Variants in SP140 observed in about 807,000 individuals in gnomAD.
SP140 encodes nuclear body protein SP140.
Under a neutral mutation model 125.0 loss-of-function variants are expected in SP140, and 81 were observed. The observed-to-expected ratio is 0.65, with a 90% CI of 0.54 to 0.78. The LOEUF (loss-of-function observed/expected upper bound fraction) is 0.78, where lower values mean the gene tolerates loss of function less well. SP140 is among the 30% of genes least tolerant of loss of function. SP140 has a pLI of 0.00. For synonymous variants in SP140, 312 were observed against 354.0 expected (o/e 0.88, Z 1.33); for missense variants, 858 against 1,037.0 (o/e 0.83, Z 2.37).
At chr2:230,212,898 CA>C (rs755463470) in intron 1 of SP140, 1 of 1,613,936 alleles carries the variant, frequency 6.2e-7, no homozygotes, top group East Asian at 2.2e-5. Flanking sequence ...ACAGGGTGAA[CA>C]GCTTGGTTGA....
In SP140 at chr2:230,212,139, G is replaced by A. The variant is rs369050000; in HGVS notation, c.-322-1515G>A. Among the ~76,000 whole-genome samples the A allele has an allele frequency of 3.1e-3, 473 of 152,314 alleles. 2 individuals carry two copies. The highest frequency in any genetic ancestry group is 0.011 in the African/African-American group (452 of 41,562). On this transcript the variant is annotated intron_variant, in intron 1 of 4. Transcript: ENST00000456542. ...TAAGGGTCACTAGTGTGAGTGTTAC[G>A]CAGGTTACTTGTCAATTCAGAATGG...
intron 22 of SP140, among the ~76,000 whole-genome samples, chr2:230,307,955 GTATATATATATATATATATATA>G (rs60233854): frequency 6.2e-5 from 3 of 48,408 alleles, no homozygotes; most frequent in Admixed American, 2.3e-4. Context: ...GGACATGCAT[GTATATATATATATATATATATA>G]TATATATATA....
At chr2:230,244,644 C>A (rs1162902391) in intron 5 of SP140, among the ~76,000 whole-genome samples, 1 of 151,898 alleles carries the variant, frequency 6.6e-6, no homozygotes, top group Non-Finnish European at 1.5e-5. Flanking sequence ...AGAAGAGAAC[C>A]AGAAAGAAAA....
At chr2:230,239,913 C>T (rs1344685485) in intron 3 of SP140, among the ~76,000 whole-genome samples, 1 of 152,124 alleles carries the variant, frequency 6.6e-6, no homozygotes, top group Non-Finnish European at 1.5e-5. Flanking sequence ...TTCTACTGCC[C>T]ACATCTCAGG....
the SP140 span, among the ~76,000 whole-genome samples, chr2:230,194,263 C>G: frequency 6.6e-6 from 1 of 152,008 alleles, no homozygotes; most frequent in East Asian, 1.9e-4. Flanking sequence ...TCCCCACTGA[C>G]CGGCATATCT....
chr2:230,252,252 G>C (rs1300601881), intron 10 of SP140, among the ~76,000 whole-genome samples: 2 of 152,032 alleles, frequency 1.3e-5, no homozygotes, highest in Admixed American at 1.3e-4. Context: ...AGGAGAAAGA[G>C]ACAGATATTC....
intron 15 of SP140, among the ~76,000 whole-genome samples, chr2:230,283,759 T>A (rs1390203499): frequency 6.6e-6 from 1 of 152,182 alleles, no homozygotes; most frequent in Non-Finnish European, 1.5e-5. Context: ...AGATGGCCAG[T>A]TTGAGGACAC....
At chr2:230,200,300 T>C (rs2043073139), upstream of SP140, among the ~76,000 whole-genome samples, 1 of 152,200 alleles carries the variant, frequency 6.6e-6, no homozygotes, top group South Asian at 2.1e-4. Flanking sequence ...GATAGTGTTA[T>C]CAACTTACTC....
chr2:230,239,486 C>CA (rs999936279), intron 3 of SP140, among the ~76,000 whole-genome samples: 1 of 152,140 alleles, frequency 6.6e-6, no homozygotes, highest in Non-Finnish European at 1.5e-5. Flanking sequence ...TTCACTCTGT[C>CA]ACCCAGGCTG....
At chr2:230,197,260 T>C in the SP140 span, among the ~76,000 whole-genome samples, 67 of 150,110 alleles carry the variant, frequency 4.5e-4, no homozygotes, top group East Asian at 7.8e-3. Flanking sequence ...TGGTATCTCA[T>C]TGTGGTTTTG....
chr2:230,243,925 A>T, intron 5 of SP140, 114 bp downstream of exon 5: 1 of 706,730 alleles, frequency 1.4e-6, no homozygotes, highest in Non-Finnish European at 2.5e-6. Flanking sequence ...CAAAAGATCC[A>T]TTTTGTCCTT....
At chr2:230,213,967 C>T (rs556520072) in exon 3 of SP140, 2 of 152,354 alleles carry the variant, frequency 1.3e-5, no homozygotes, top group African/African-American at 4.8e-5. Context: ...AGGGGGAAGC[C>T]TTTTGATGGT....
chr2:230,196,287 TAAG>T, the SP140 span, among the ~76,000 whole-genome samples: 4 of 152,140 alleles, frequency 2.6e-5, no homozygotes, highest in South Asian at 8.3e-4. Context: ...CATATAAAAA[TAAG>T]AAATAAACTG....
upstream of SP140, among the ~76,000 whole-genome samples, chr2:230,221,524 G>C (rs954983871): frequency 6.6e-6 from 1 of 152,138 alleles, no homozygotes; most frequent in South Asian, 2.1e-4. Context: ...CCGGCCTTGC[G>C]GGTAATGGCT....
intron 15 of SP140, among the ~76,000 whole-genome samples, chr2:230,273,373 G>A (rs980038359): frequency 6.6e-6 from 1 of 152,180 alleles, no homozygotes; most frequent in Non-Finnish European, 1.5e-5. Flanking sequence ...TTAGAGAAAT[G>A]CAAATCAAAA....
At chr2:230,286,012 A>G (rs975762775) in intron 17 of SP140, among the ~76,000 whole-genome samples, 180 bp downstream of exon 17, 3 of 152,222 alleles carry the variant, frequency 2.0e-5, no homozygotes, top group African/African-American at 4.8e-5. Context: ...TTGTATTCAT[A>G]TCATAGATCT....
intron 5 of SP140, among the ~76,000 whole-genome samples, chr2:230,244,697 G>A (rs1015976800): frequency 1.3e-5 from 2 of 152,224 alleles, no homozygotes; most frequent in African/African-American, 4.8e-5. Context: ...GCATTGAAGA[G>A]CAACAGAAAA....
Position 230,313,107 on chromosome 2 carries a change from G to A in SP140, c.*423G>A, listed in dbSNP as rs10498247. ...AGAAGCCCTAAGCCCACATTCTTTCGATAGCTCACGGTGGTGCATGAGTGT... is the reference window on the plus strand; with the variant it reads ...AGAAGCCCTAAGCCCACATTCTTTCAATAGCTCACGGTGGTGCATGAGTGT... On this transcript the variant is annotated 3_prime_UTR_variant, in exon 27 of 27. Transcript: ENST00000392045. The A allele has an allele frequency of 0.078, 14,197 of 183,032 alleles. 830 individuals are homozygous for A. Among genetic ancestry groups the A allele is most frequent in the South Asian group, 0.16 (1,338 of 8,490 alleles). The allele number at this position is 183,032 out of a possible 1,614,324, so 11.3% of individuals were successfully genotyped here.
At chr2:230,223,657 T>TA (rs1213849682), upstream of SP140, among the ~76,000 whole-genome samples, 1 of 152,152 alleles carries the variant, frequency 6.6e-6, no homozygotes, top group Non-Finnish European at 1.5e-5. Flanking sequence ...TAATTGGACA[T>TA]AAAAACAGTG....
Sources: gnomAD v4.1 joint callset for allele counts (sites outside exome capture counted in the v4.1 genomes callset) on GRCh38, gnomAD v4.1.1 for gene constraint, MANE v1.5 for transcripts, NCBI Gene and HGNC (gene_info 2026-07-23, HGNC 2026-07-21) for gene names.